KANTR: variants seen among roughly 807,000 people sequenced by gnomAD.
KANTR encodes the protein KANTR integral membrane protein, also known as KDM5C adjacent transcript.
chrX:53,095,440 A>G (rs1292465483), intron 1 of KANTR, among the ~76,000 whole-genome samples: 2 of 108,762 alleles, frequency 1.8e-5, no homozygotes, highest in African/African-American at 6.7e-5. Context: ...GTTGGACCCA[A>G]CATTGCTTTT....
At chrX:53,133,315 C>T (rs1461155029) in intron 2 of KANTR, among the ~76,000 whole-genome samples, 3 of 107,111 alleles carry the variant, frequency 2.8e-5, no homozygotes, top group Non-Finnish European at 5.8e-5. Flanking sequence ...TGCAGTGAAC[C>T]GAGATTGTAC....
downstream of KANTR, among the ~76,000 whole-genome samples, chrX:53,132,434 A>C (rs901198415): frequency 3.6e-5 from 4 of 112,237 alleles, no homozygotes; most frequent in Non-Finnish European, 5.6e-5. Context: ...GAAGTGGAAA[A>C]CCCAAAAAGC....
downstream of KANTR, chrX:53,143,312 G>T (rs1174775818): frequency 1.6e-6 from 1 of 629,610 alleles, no homozygotes; most frequent in Non-Finnish European, 2.6e-6. Flanking sequence ...TCTCCTGCTT[G>T]GCCGTGATGG....
chrX:53,143,718 C>T (rs1602130596), downstream of KANTR: 3 of 645,484 alleles, frequency 4.6e-6, no homozygotes, highest in East Asian at 9.9e-5. Context: ...ACTTCAGGGT[C>T]AGGATGTCGT....
At chrX:53,130,032 A>G (rs1283755961), downstream of KANTR, among the ~76,000 whole-genome samples, 1 of 109,265 alleles carries the variant, frequency 9.2e-6, no homozygotes, top group East Asian at 2.9e-4. Context: ...ACACACGGAT[A>G]ATTTTTGTAT....
intron 2 of KANTR, among the ~76,000 whole-genome samples, chrX:53,122,469 T>C (rs1933239013): frequency 9.0e-6 from 1 of 111,630 alleles, no homozygotes; most frequent in Non-Finnish European, 1.9e-5. Context: ...GACCAGGACA[T>C]CTAGTACAAT....
intron 2 of KANTR, among the ~76,000 whole-genome samples, chrX:53,110,029 A>G (rs782059565): frequency 8.9e-6 from 1 of 112,352 alleles, no homozygotes; most frequent in Admixed American, 9.4e-5. Flanking sequence ...TGCTGGGATT[A>G]CAGGCATGAG....
downstream of KANTR, among the ~76,000 whole-genome samples, chrX:53,146,970 C>T (rs1182122939): frequency 1.8e-5 from 2 of 111,973 alleles, no homozygotes; most frequent in East Asian, 5.5e-4. Flanking sequence ...GAAGGAAGCA[C>T]TAAACATGGA....
intron 2 of KANTR, among the ~76,000 whole-genome samples, chrX:53,141,121 A>G: frequency 8.8e-6 from 1 of 113,106 alleles, no homozygotes. Flanking sequence ...AGATCGTGCC[A>G]TTGCACTCTA....
chrX:53,128,433 G>A (rs1933317853), downstream of KANTR, among the ~76,000 whole-genome samples: 1 of 111,324 alleles, frequency 9.0e-6, no homozygotes, highest in African/African-American at 3.3e-5. Context: ...TGGAAGAGAT[G>A]GCATATGAAC....
At chrX:53,132,083 C>T (rs1248281087), downstream of KANTR, among the ~76,000 whole-genome samples, 1 of 112,222 alleles carries the variant, frequency 8.9e-6, no homozygotes. Context: ...AAGACCTATA[C>T]ACTTGTATTG....
intron 1 of KANTR, among the ~76,000 whole-genome samples, chrX:53,097,951 T>A (rs1556811198): frequency 2.9e-5 from 3 of 102,191 alleles, no homozygotes; most frequent in Non-Finnish European, 5.9e-5. Context: ...CTTGGGAGGC[T>A]GAGGCAGGAG....
At chrX:53,120,996 T>TTTTGTTTG (rs1569238246) in intron 2 of KANTR, among the ~76,000 whole-genome samples, 1 of 107,870 alleles carries the variant, frequency 9.3e-6, no homozygotes, top group African/African-American at 3.4e-5. Context: ...TGTTGTTTTT[T>TTTTGTTTG]TTTGTTTGTT....
At chrX:53,120,331 C>T (rs1373531025) in intron 2 of KANTR, among the ~76,000 whole-genome samples, 3 of 112,030 alleles carry the variant, frequency 2.7e-5, no homozygotes, top group East Asian at 5.6e-4. Flanking sequence ...TTACCACGCT[C>T]GGCCCCCCTT....
At chrX:53,142,978 G>T, downstream of KANTR, 1 of 1,010,838 alleles carries the variant, frequency 9.9e-7, no homozygotes, top group Non-Finnish European at 1.4e-6. Context: ...CATGGTGCTG[G>T]ATGCCAGCGT....
rs782451174 is a variant in KANTR at position 53,100,750 on chromosome X, A to T, written c.-805+1142A>T. Among the ~76,000 whole-genome samples the T allele has an allele frequency of 2.7e-5, 3 of 111,899 alleles. No individual in the cohort carries two copies. In the East Asian group the frequency reaches 8.4e-4, roughly 31 times the overall value. ...AAGGCAGAGGTTGCAGTGAGCCGAGATCGCACCACTGCATTCCAGCCTGGG... is the reference window on the plus strand; with the variant it reads ...AAGGCAGAGGTTGCAGTGAGCCGAGTTCGCACCACTGCATTCCAGCCTGGG... On this transcript the variant is annotated intron_variant, in intron 2 of 2. Transcript: ENST00000604062.
intron 2 of KANTR, among the ~76,000 whole-genome samples, chrX:53,105,273 C>T (rs1345710713): frequency 1.8e-5 from 2 of 111,798 alleles, no homozygotes; most frequent in African/African-American, 6.5e-5. Flanking sequence ...CCAGTTTCTC[C>T]ATATCCTCAT....
At chrX:53,102,008 A>G (rs1476821147) in intron 2 of KANTR, among the ~76,000 whole-genome samples, 1 of 110,683 alleles carries the variant, frequency 9.0e-6, no homozygotes, top group Non-Finnish European at 1.9e-5. Flanking sequence ...CTCAAAAAAA[A>G]AAAAAAAAAG....
At chrX:53,113,334 A>AC (rs1933070440) in intron 2 of KANTR, 1 of 124,393 alleles carries the variant, frequency 8.0e-6, no homozygotes, top group South Asian at 2.8e-4. Flanking sequence ...CACAAAAAAA[A>AC]ACCCTAATTT....
Sources: allele counts gnomAD v4.1 joint callset (sites outside exome capture counted in the v4.1 genomes callset), GRCh38; gene constraint gnomAD v4.1.1; transcripts MANE v1.5; gene names NCBI Gene and HGNC (gene_info 2026-07-23, HGNC 2026-07-21).